The following ANKMY1 variants were observed in gnomAD, a reference collection of about 807,000 sequenced individuals.
ANKMY1 encodes the protein ankyrin repeat and MYND domain-containing protein 1.
In ANKMY1, 98 loss-of-function variants were observed where a neutral mutation model predicts 102.0. The ratio of observed to expected loss-of-function variants is 0.96; its 90% CI spans 0.82 to 1.14. ANKMY1 has a LOEUF of 1.14. Ranked by LOEUF, ANKMY1 falls within the 50% of genes most tolerant of loss-of-function variation. The pLI, the probability that ANKMY1 is intolerant of heterozygous loss-of-function variation, is 0.00. For missense variants in ANKMY1, 1,330 were observed against 1,347.6 expected, an observed-to-expected ratio of 0.99 and a Z score of 0.20; for synonymous variants, 582 against 559.9, an observed-to-expected ratio of 1.04 and a Z score of -0.56.
chr2:240,495,697 G>C lies in ANKMY1; in HGVS notation c.2806+4261C>G, dbSNP rs148546249. ...GGGATGCTACCGGTCTCTACGTCTT[G>C]GTGGTAGTTGTCCCCCGGGCCCAGC... On this transcript the variant is annotated intron_variant, in intron 15 of 17. Transcript: ENST00000401804. Among the ~76,000 whole-genome samples the C allele has an allele frequency of 8.1e-3, 1,240 of 152,166 alleles. 11 individuals carry two copies. The highest frequency in any genetic ancestry group is 0.014 in the Middle Eastern group (4 of 294).
chr2:240,486,210 A>G (rs2076043539), intron 15 of ANKMY1, among the ~76,000 whole-genome samples: 1 of 152,112 alleles, frequency 6.6e-6, no homozygotes, highest in South Asian at 2.1e-4. Context: ...TCTTACCACA[A>G]CAGAACTTTC....
rs2092124771 is a variant in ANKMY1 at position 240,554,954 on chromosome 2, T to G, written c.248A>C (p.Gln83Pro). The G allele has an allele frequency of 6.2e-7, 1 of 1,614,048 alleles. No homozygotes were observed. The highest frequency in any genetic ancestry group is 8.5e-7 in the Non-Finnish European group (1 of 1,180,028). Residue 83 changes from glutamine (Q) to proline (P), a missense_variant, in exon 3 of 18, where the codon CAG becomes CCG. Coordinates refer to ENST00000401804, the MANE Select transcript of ANKMY1 (RefSeq NM_001282771.3). ...GTACATGCAACCATCCTGCCACTCC[T>G]GCACACCCTGGACGAGCTGGATGTA... ...ESYIQLVQGV[Q>P]EWQDGCMYQG...
intron 11 of ANKMY1, among the ~76,000 whole-genome samples, chr2:240,510,024 C>T (rs373214761): frequency 6.8e-6 from 1 of 147,078 alleles, no homozygotes; most frequent in Non-Finnish European, 1.5e-5. Context: ...CTCCCCCGTC[C>T]CTGTCCTCCC....
At chr2:240,519,505 C>A (rs188890071) in intron 9 of ANKMY1, among the ~76,000 whole-genome samples, 5 of 152,294 alleles carry the variant, frequency 3.3e-5, no homozygotes, top group Admixed American at 2.6e-4. Context: ...GCGAGAGAAG[C>A]CTGGCCTCAC....
downstream of ANKMY1, among the ~76,000 whole-genome samples, chr2:240,476,189 A>T (rs2074838078): frequency 1.3e-5 from 2 of 152,242 alleles, no homozygotes. Flanking sequence ...AAATAAACTC[A>T]CACATATGCA....
intron 4 of ANKMY1, among the ~76,000 whole-genome samples, chr2:240,549,608 C>A (rs796510668): frequency 6.6e-6 from 1 of 152,074 alleles, no homozygotes; most frequent in Non-Finnish European, 1.5e-5. Context: ...TTTTCACAAC[C>A]TACTCATCTG....
rs1350526462 is a variant in ANKMY1 at position 240,529,555 on chromosome 2, C to T, written c.481-46G>A. On this transcript the variant is annotated intron_variant, in intron 4 of 17. Transcript: ENST00000401804. The surrounding 1 kb of genome is among the most constrained non-coding windows in gnomAD (Gnocchi z 4.2). Reference sequence around the variant, plus strand: ...ACCGAGGAGAGATAACGCGACCCAGCTGCACATGTGATCATGTTTGTAACG... The same window carrying T: ...ACCGAGGAGAGATAACGCGACCCAGTTGCACATGTGATCATGTTTGTAACG... The T allele has an allele frequency of 2.7e-6, 4 of 1,499,802 alleles. No homozygotes were observed. In the African/African-American group the frequency reaches 4.2e-5, roughly 16 times the overall value. 92.9% of individuals were successfully genotyped at this position (1,499,802 alleles called of 1,614,324 possible).
At chr2:240,527,680 A>T in intron 5 of ANKMY1, 1 of 12,316 alleles carries the variant, frequency 8.1e-5, no homozygotes, top group South Asian at 1.8e-3. Flanking sequence ...GTAGGTGGGT[A>T]GGTAGATGAA....
chr2:240,490,095 C>T (rs1261790639), intron 15 of ANKMY1, among the ~76,000 whole-genome samples: 2 of 152,152 alleles, frequency 1.3e-5, no homozygotes, highest in Non-Finnish European at 2.9e-5. Context: ...TGTAATATCT[C>T]CTTTTCCATT....
intron 5 of ANKMY1, among the ~76,000 whole-genome samples, chr2:240,528,587 G>T (rs976567898): frequency 6.6e-6 from 1 of 152,058 alleles, no homozygotes; most frequent in African/African-American, 2.4e-5. Context: ...TGCAACGGTG[G>T]GGGCAGGGCA....
chr2:240,469,689 C>T, the ANKMY1 span, among the ~76,000 whole-genome samples: 1 of 123,858 alleles, frequency 8.1e-6, no homozygotes, highest in Middle Eastern at 3.7e-3. Flanking sequence ...CACAAACGAA[C>T]ACATACAACA....
chr2:240,479,326 T>G, downstream of ANKMY1: 2 of 512,170 alleles, frequency 3.9e-6, no homozygotes, highest in Non-Finnish European at 3.5e-6. Context: ...CCATGCCCCA[T>G]GGGAGGCCAA....
rs1037080202 is a variant in ANKMY1, at chr2:240,479,515, C to A, written c.*94G>T. 7.0e-7 allele frequency: 1 copy of A among 1,431,688 alleles called. No individual in the cohort carries two copies. Among genetic ancestry groups the A allele is most frequent in the Non-Finnish European group, 9.8e-7 (1 of 1,022,042 alleles). The allele number at this position is 1,431,688 out of a possible 1,614,324, so 88.7% of individuals were successfully genotyped here. A position where few individuals can be genotyped will look rare whatever the true frequency, so the allele number is the denominator to read the frequency against. ...GACCCCAAAGGTGCAGAAATGCCTG[C>A]ATTAGGCTGGAAGATTCCCTGAGGT... On this transcript the variant is annotated 3_prime_UTR_variant, in exon 18 of 18. Coordinates refer to ENST00000401804, the MANE Select transcript of ANKMY1 (RefSeq NM_001282771.3).
At chr2:240,544,701 G>A (rs1048048486) in intron 4 of ANKMY1, among the ~76,000 whole-genome samples, 12 of 145,618 alleles carry the variant, frequency 8.2e-5, no homozygotes, top group East Asian at 3.9e-4. Context: ...CTCAGGAAGC[G>A]CAAGGGGTCA....
Position 240,529,375 on chromosome 2 carries a change from G to A in ANKMY1, c.615C>T (p.Leu205=). 1 of 1,614,180 alleles carries A rather than the reference G, an allele frequency of 6.2e-7. No homozygotes were observed. Among genetic ancestry groups the A allele is most frequent in the South Asian group, 1.1e-5 (1 of 91,088 alleles). The part of the protein sequence containing the change: ...CTQIPSGFSL[L]RYPEFSSFIT... ...TGAAGCTGGAGAACTCAGGGTATCT[G>A]AGGAGGGAGAAGCCACTGGGGATCT... Residue 205 remains leucine, a synonymous_variant, in exon 5 of 18, where the codon CTC becomes CTT. Coordinates refer to ENST00000401804, the MANE Select transcript of ANKMY1 (RefSeq NM_001282771.3). This position sits in a 1 kb window ranked among gnomAD's most constrained non-coding sequence, Gnocchi z 4.2.
chr2:240,487,400 T>C (rs991686411), intron 15 of ANKMY1, among the ~76,000 whole-genome samples: 6 of 152,244 alleles, frequency 3.9e-5, no homozygotes, highest in East Asian at 1.9e-4. Flanking sequence ...TTTAGGTCAG[T>C]TCCATATCAT....
chr2:240,483,802 A>G (rs960864734), intron 15 of ANKMY1, among the ~76,000 whole-genome samples: 1 of 152,158 alleles, frequency 6.6e-6, no homozygotes, highest in African/African-American at 2.4e-5. Context: ...TGTCATCTAC[A>G]TTAGGTATTT....
chr2:240,515,112 G>A (rs1184409447), intron 9 of ANKMY1, among the ~76,000 whole-genome samples: 1 of 152,242 alleles, frequency 6.6e-6, no homozygotes, highest in Non-Finnish European at 1.5e-5. Context: ...GGGCAATTCT[G>A]AGGGATAAAA....
intron 4 of ANKMY1, among the ~76,000 whole-genome samples, chr2:240,537,872 T>C (rs1037619889): frequency 2.0e-5 from 3 of 152,196 alleles, no homozygotes; most frequent in East Asian, 1.9e-4. Context: ...GTTCAAACCA[T>C]GTTCAAATAA....
Sources: gnomAD v4.1 joint callset for allele counts (sites outside exome capture counted in the v4.1 genomes callset) on GRCh38, gnomAD v4.1.1 for gene constraint, Gnocchi (gnomAD v3.1) non-coding constraint, MANE v1.5 for transcripts, NCBI Gene and HGNC (gene_info 2026-07-23, HGNC 2026-07-21) for gene names.